Variants in PSD3 observed in about 807,000 individuals in gnomAD.
PSD3 encodes pleckstrin and Sec7 domain containing 3.
PSD3 carries 49 observed loss-of-function variants against 105.5 expected under a neutral mutation model. The ratio of observed to expected loss-of-function variants is 0.46; its 90% confidence interval spans 0.37 to 0.59. PSD3 has a LOEUF of 0.59. Ranked by LOEUF, PSD3 falls within the 20% of genes least tolerant of loss-of-function variation. PSD3 has a pLI of 0.00. For synonymous variants in PSD3, 557 were observed against 457.8 expected, an observed-to-expected ratio of 1.22 and a Z score of -2.77; for missense variants, 1,561 against 1,263.8, an observed-to-expected ratio of 1.24 and a Z score of -3.57.
intron 8 of PSD3, 142 bp downstream of exon 8, chr8:18,799,153 T>A (rs1810459610): frequency 1.4e-6 from 1 of 724,528 alleles, no homozygotes; most frequent in Non-Finnish European, 2.4e-6. Flanking sequence ...ATTTCTTTTT[T>A]CAAAGATTTC....
chr8:18,763,512 C>A (rs111521182), intron 9 of PSD3, among the ~76,000 whole-genome samples: 67 of 152,068 alleles, frequency 4.4e-4, no homozygotes, highest in African/African-American at 1.5e-3. Context: ...AATAATTTAT[C>A]TCAGCAGGGA....
intron 4 of PSD3, among the ~76,000 whole-genome samples, chr8:18,814,649 A>C (rs974878359): frequency 9.2e-5 from 14 of 152,236 alleles, no homozygotes; most frequent in African/African-American, 3.4e-4. Flanking sequence ...ATCCAGCTTT[A>C]GAAATAGAAA....
At chr8:18,556,084 C>T in intron 15 of PSD3, 125 bp downstream of exon 15, 1 of 1,195,618 alleles carries the variant, frequency 8.4e-7, no homozygotes, top group African/African-American at 1.5e-5. Context: ...GCCAGGAGCT[C>T]CCAAATTAGA....
chr8:18,752,609 A>AAT, intron 9 of PSD3, among the ~76,000 whole-genome samples: 4 of 61,114 alleles, frequency 6.5e-5, no homozygotes, highest in Non-Finnish European at 1.2e-4. Context: ...ATTATATATA[A>AAT]TACATATAAT....
chr8:18,808,697 C>G, intron 4 of PSD3: 1 of 1,608,938 alleles, frequency 6.2e-7, no homozygotes, highest in Non-Finnish European at 8.5e-7. Flanking sequence ...TGAACAAGAA[C>G]CGGAATTGCT....
intron 9 of PSD3, among the ~76,000 whole-genome samples, chr8:18,737,719 TC>T (rs1293786984): frequency 3.9e-5 from 6 of 152,208 alleles, no homozygotes; most frequent in African/African-American, 1.4e-4. Context: ...TTATTTTTTT[TC>T]CCCAGGGTAC....
intron 1 of PSD3, among the ~76,000 whole-genome samples, chr8:19,083,709 G>A (rs2129478441): frequency 6.6e-6 from 1 of 152,344 alleles, no homozygotes; most frequent in East Asian, 1.9e-4. Flanking sequence ...CCATTCTGGA[G>A]AACAAGCTTT....
chr8:18,901,336 T>C (rs1024672711), intron 2 of PSD3, among the ~76,000 whole-genome samples: 4 of 152,236 alleles, frequency 2.6e-5, no homozygotes, highest in African/African-American at 9.6e-5. Context: ...AGTGAGTTTC[T>C]TGTAGGCAGC....
chr8:18,953,163 C>T (rs1279914547), intron 1 of PSD3, among the ~76,000 whole-genome samples: 1 of 152,084 alleles, frequency 6.6e-6, no homozygotes, highest in Non-Finnish European at 1.5e-5. Context: ...ACAAAGTCAC[C>T]AGTTTTTACC....
At chr8:19,049,830 G>C (rs1398364801) in intron 1 of PSD3, among the ~76,000 whole-genome samples, 3 of 152,042 alleles carry the variant, frequency 2.0e-5, no homozygotes, top group African/African-American at 7.2e-5. Flanking sequence ...AGAGCAGCAT[G>C]GCAAATTCGA....
At chr8:18,860,102 G>T (rs1308448978) in intron 4 of PSD3, among the ~76,000 whole-genome samples, 1 of 152,106 alleles carries the variant, frequency 6.6e-6, no homozygotes, top group Non-Finnish European at 1.5e-5. Context: ...GCATTGCAGG[G>T]TTATTAACTG....
At chr8:18,582,942 C>T (rs1802915464) in intron 12 of PSD3, among the ~76,000 whole-genome samples, 2 of 151,614 alleles carry the variant, frequency 1.3e-5, no homozygotes, top group African/African-American at 4.9e-5. Context: ...TCTCCTGCCT[C>T]AGACTCCTGA....
At chr8:18,770,901 T>A (rs140281609) in intron 8 of PSD3, among the ~76,000 whole-genome samples, 1 of 152,266 alleles carries the variant, frequency 6.6e-6, no homozygotes, top group Non-Finnish European at 1.5e-5. Context: ...CACAAACAAA[T>A]TGGAGGATGG....
intron 9 of PSD3, among the ~76,000 whole-genome samples, chr8:18,699,068 C>A (rs1259761954): frequency 6.6e-6 from 1 of 152,150 alleles, no homozygotes; most frequent in Non-Finnish European, 1.5e-5. Flanking sequence ...ACCTAAATCC[C>A]TTCTTCCTCC....
At chr8:18,677,911 G>T (rs529131515) in intron 9 of PSD3, among the ~76,000 whole-genome samples, 37 of 151,636 alleles carry the variant, frequency 2.4e-4, no homozygotes, top group Middle Eastern at 3.4e-3. Flanking sequence ...TCGGGAGGCT[G>T]AAGCAGGAGA....
intron 14 of PSD3, among the ~76,000 whole-genome samples, chr8:18,558,096 C>T (rs1052616645): frequency 2.6e-5 from 4 of 152,212 alleles, no homozygotes; most frequent in African/African-American, 7.2e-5. Flanking sequence ...CTGCTGGCAC[C>T]TTGATCTTGG....
chr8:18,829,637 T>C (rs1157918939), intron 4 of PSD3, among the ~76,000 whole-genome samples: 1 of 152,166 alleles, frequency 6.6e-6, no homozygotes, highest in Non-Finnish European at 1.5e-5. Flanking sequence ...AGCACACACA[T>C]CTACTCCTCC....
At chr8:18,721,746 A>C (rs530632893) in intron 9 of PSD3, among the ~76,000 whole-genome samples, 1 of 152,304 alleles carries the variant, frequency 6.6e-6, no homozygotes, top group East Asian at 1.9e-4. Flanking sequence ...CTGTTTACTA[A>C]ATCGTTCCCT....
chr8:18,697,055 C>A (rs1170367532), intron 9 of PSD3, among the ~76,000 whole-genome samples: 1 of 78,310 alleles, frequency 1.3e-5, no homozygotes, highest in Non-Finnish European at 2.9e-5. Context: ...CCAGCCTGGG[C>A]AACATAGTAA....
Sources: allele counts gnomAD v4.1 joint callset (sites outside exome capture counted in the v4.1 genomes callset), GRCh38; gene constraint gnomAD v4.1.1; transcripts MANE v1.5; gene names NCBI Gene and HGNC (gene_info 2026-07-23, HGNC 2026-07-21).